SHISA6: variants seen among roughly 807,000 people sequenced by gnomAD.
The protein encoded by SHISA6 is protein shisa-6.
In SHISA6, 22 loss-of-function variants were observed where a neutral mutation model predicts 47.9. The ratio of observed to expected loss-of-function variants is 0.46; its 90% CI spans 0.33 to 0.66. SHISA6 has a LOEUF of 0.66. SHISA6 is among the 30% of genes least tolerant of loss of function. The pLI is 0.02. For synonymous variants in SHISA6, 388 were observed against 337.8 expected (o/e 1.15, Z -1.63); for missense variants, 680 against 764.6 (o/e 0.89, Z 1.30).
chr17:11,349,707 T>C (rs1437034404), intron 2 of SHISA6, among the ~76,000 whole-genome samples: 1 of 152,172 alleles, frequency 6.6e-6, no homozygotes, highest in African/African-American at 2.4e-5. Context: ...ATTCTACCTG[T>C]CAGTCAGCTC....
chr17:11,408,307 G>A (rs1914021824), intron 3 of SHISA6, among the ~76,000 whole-genome samples: 1 of 152,190 alleles, frequency 6.6e-6, no homozygotes, highest in South Asian at 2.1e-4. Context: ...TCCCACACCA[G>A]CAGCATCAAC....
chr17:11,389,297 G>A (rs1913309415), intron 3 of SHISA6, among the ~76,000 whole-genome samples: 1 of 152,188 alleles, frequency 6.6e-6, no homozygotes, highest in Non-Finnish European at 1.5e-5. Context: ...AGGAGAGATA[G>A]TACCCGGCAA....
In SHISA6 at chr17:11,491,921, A is replaced by G. The variant is rs544231238; in HGVS notation, c.896-59975A>G. The stretch of plus-strand genomic sequence containing the variant: ...TGAGTAGCTGGGATTACAGGCATGC[A>G]CCACCACACCCAGCAAGTTTTGTAT... On this transcript the variant is annotated intron_variant, in intron 3 of 5. Coordinates refer to ENST00000441885, the MANE Select transcript of SHISA6 (RefSeq NM_207386.4). Among the ~76,000 whole-genome samples, 913 of 151,954 alleles carry G rather than the reference A, an allele frequency of 6.0e-3. 11 individuals carry two copies. Among genetic ancestry groups the G allele is most frequent in the Non-Finnish European group, 8.0e-3 (541 of 67,962 alleles).
intron 3 of SHISA6, among the ~76,000 whole-genome samples, chr17:11,503,230 C>T (rs1597555561): frequency 1.3e-5 from 2 of 152,258 alleles, no homozygotes; most frequent in Admixed American, 1.3e-4. Context: ...GAACCCATGG[C>T]TGACAGCACA....
intron 1 of SHISA6, among the ~76,000 whole-genome samples, chr17:11,249,137 CAAAAAA>C (rs139559354): frequency 1.2e-4 from 7 of 60,518 alleles, no homozygotes; most frequent in African/African-American, 4.0e-4. Flanking sequence ...GACTCCGTCT[CAAAAAA>C]AAAAAAAAAA....
intron 3 of SHISA6, among the ~76,000 whole-genome samples, chr17:11,490,554 A>G (rs761204698): frequency 2.1e-4 from 32 of 152,236 alleles, no homozygotes; most frequent in Middle Eastern, 6.8e-3. Flanking sequence ...AGCAGTTCCC[A>G]TTATTCACAC....
intron 2 of SHISA6, among the ~76,000 whole-genome samples, chr17:11,363,957 C>A (rs912727253): frequency 1.3e-4 from 20 of 152,066 alleles, no homozygotes; most frequent in Non-Finnish European, 2.6e-4. Flanking sequence ...AAGGAGTATC[C>A]CTGCTCTGCA....
chr17:11,440,572 T>C (rs1052869910), intron 3 of SHISA6, among the ~76,000 whole-genome samples: 2 of 150,084 alleles, frequency 1.3e-5, no homozygotes, highest in African/African-American at 4.9e-5. Context: ...TCCCACAGGT[T>C]TGGACAAGCC....
At chr17:11,349,469 G>A (rs1398927187) in intron 2 of SHISA6, among the ~76,000 whole-genome samples, 1 of 152,160 alleles carries the variant, frequency 6.6e-6, no homozygotes, top group East Asian at 1.9e-4. Context: ...ATTGAGTCAG[G>A]CTTTTGTCAC....
At chr17:11,244,013 C>T (rs552344794) in intron 1 of SHISA6, among the ~76,000 whole-genome samples, 6 of 152,282 alleles carry the variant, frequency 3.9e-5, no homozygotes, top group African/African-American at 1.4e-4. Flanking sequence ...GGCATTGGCA[C>T]GTGACCCTGG....
chr17:11,528,682 A>G (rs2071707018), intron 3 of SHISA6, among the ~76,000 whole-genome samples: 1 of 152,162 alleles, frequency 6.6e-6, no homozygotes, highest in Non-Finnish European at 1.5e-5. Context: ...CATTTTGGCA[A>G]CCCAGGAGAC....
intron 4 of SHISA6, among the ~76,000 whole-genome samples, chr17:11,553,171 C>T (rs1214502853): frequency 6.6e-6 from 1 of 152,186 alleles, no homozygotes; most frequent in East Asian, 1.9e-4. Context: ...GGCAGGAATG[C>T]AGACATGAAG....
intron 3 of SHISA6, among the ~76,000 whole-genome samples, chr17:11,391,994 G>C (rs1040551486): frequency 1.3e-5 from 2 of 152,088 alleles, no homozygotes; most frequent in Non-Finnish European, 2.9e-5. Context: ...AAAAGAAGTG[G>C]CTTTTTTCTA....
chr17:11,255,852 T>A (rs1261250954), intron 1 of SHISA6, among the ~76,000 whole-genome samples: 1 of 152,214 alleles, frequency 6.6e-6, no homozygotes. Context: ...ATGTAGATAT[T>A]AGGAGGTTGT....
chr17:11,333,420 C>T (rs1220442888), intron 2 of SHISA6, among the ~76,000 whole-genome samples: 2 of 152,176 alleles, frequency 1.3e-5, no homozygotes, highest in Admixed American at 6.5e-5. Context: ...CCTGCAGCCT[C>T]CAGGGACAGG....
At chr17:11,481,384 A>ATT (rs1567617244) in intron 3 of SHISA6, among the ~76,000 whole-genome samples, 1 of 148,224 alleles carries the variant, frequency 6.7e-6, no homozygotes, top group Non-Finnish European at 1.5e-5. Context: ...ATATATATAT[A>ATT]TATTTAGAAA....
chr17:11,332,697 C>A (rs1220906537), intron 2 of SHISA6, among the ~76,000 whole-genome samples: 2 of 152,110 alleles, frequency 1.3e-5, no homozygotes, highest in Non-Finnish European at 2.9e-5. Flanking sequence ...GGTTTCCAGG[C>A]CTTTAAATTC....
rs1036829686 is a variant in SHISA6 at position 11,340,682 on chromosome 17, C to A, written c.800-38732C>A. Among the ~76,000 whole-genome samples the A allele has an allele frequency of 2.0e-5, 3 of 152,298 alleles. No homozygotes were observed. In the South Asian group the frequency reaches 6.2e-4, roughly 32 times the overall value. ...ACAGTCTGGCCCAGGAAGGATCCAG[C>A]TATATTCACAGCTCAGAGTCTGCTG... On this transcript the variant is annotated intron_variant, in intron 2 of 5. Transcript: ENST00000441885.
intron 3 of SHISA6, among the ~76,000 whole-genome samples, chr17:11,455,843 C>G (rs1222312893): frequency 1.3e-5 from 2 of 152,164 alleles, no homozygotes; most frequent in African/African-American, 2.4e-5. Context: ...TCGAAAAGCT[C>G]TTGGGAGTAC....
Sources: gnomAD v4.1 joint callset for allele counts (sites outside exome capture counted in the v4.1 genomes callset) on GRCh38, gnomAD v4.1.1 for gene constraint, MANE v1.5 for transcripts, NCBI Gene and HGNC (gene_info 2026-07-23, HGNC 2026-07-21) for gene names.